The following HMMR variants were observed in gnomAD, a reference collection of about 807,000 sequenced individuals.
HMMR encodes the protein intracellular hyaluronic acid-binding protein.
HMMR carries 108 observed loss-of-function variants against 101.0 expected under a neutral mutation model. The observed-to-expected ratio is 1.07, with a 90% CI of 0.92 to 1.25. HMMR has a LOEUF of 1.25. HMMR is among the 50% of genes most tolerant of loss of function. The probability of loss-of-function intolerance (pLI) is 0.00; values close to 1 mark genes in which losing one functional copy is unlikely to be tolerated. For missense variants in HMMR, 813 were observed against 788.7 expected (o/e 1.03, Z -0.37); for synonymous variants, 296 against 276.4 (o/e 1.07, Z -0.70).
intron 1 of HMMR, 101 bp downstream of exon 1, chr5:163,460,839 C>G (rs1218724224): frequency 8.4e-6 from 8 of 950,842 alleles, no homozygotes; most frequent in Non-Finnish European, 1.3e-5. Context: ...ATTTTAGGGT[C>G]GGGCTGGGGC....
At chr5:163,475,764 C>T (rs913729162) in intron 11 of HMMR, 92 bp downstream of exon 11, 15 of 519,774 alleles carry the variant, frequency 2.9e-5, no homozygotes, top group Admixed American at 7.6e-5. Flanking sequence ...ATCATGTGAG[C>T]GTGTTAGGTT....
intron 2 of HMMR, 85 bp from the exon 3 acceptor site, chr5:163,464,638 G>A (rs7722365): frequency 0.06 from 55,432 of 917,152 alleles, 2,294 homozygotes; most frequent in African/African-American, 0.19. Flanking sequence ...AAAAGAGAAA[G>A]ACAAAAAAAT....
At chr5:163,472,753 CTT>C (rs1287415493) in intron 7 of HMMR, among the ~76,000 whole-genome samples, 1 of 152,140 alleles carries the variant, frequency 6.6e-6, no homozygotes, top group Admixed American at 6.6e-5. Context: ...CTATTGAAGT[CTT>C]TTGTCCATTT....
chr5:163,473,284 T>G, intron 8 of HMMR, 31 bp downstream of exon 8: 1 of 1,487,240 alleles, frequency 6.7e-7, no homozygotes, highest in Non-Finnish European at 9.3e-7. Flanking sequence ...AAATTGAACC[T>G]TATTTTTTTA....
At chr5:163,483,413 C>A in intron 15 of HMMR, 46 bp downstream of exon 15, 1 of 1,040,310 alleles carries the variant, frequency 9.6e-7, no homozygotes, top group South Asian at 1.4e-5. Context: ...TTTAGGGACT[C>A]ACTTTGTTCC....
At chr5:163,463,981 G>A (rs1270417628) in intron 2 of HMMR, 27 bp downstream of exon 2, 4 of 739,824 alleles carry the variant, frequency 5.4e-6, no homozygotes, top group Non-Finnish European at 8.5e-6. Context: ...AAGAACAATG[G>A]TTATGTGATC....
chr5:163,486,572 G>A (rs980961922), intron 16 of HMMR, among the ~76,000 whole-genome samples: 17 of 152,130 alleles, frequency 1.1e-4, no homozygotes, highest in Non-Finnish European at 2.4e-4. Context: ...AATAGAGATA[G>A]TGTTACTTAT....
rs1254976827 is a variant in HMMR, at chr5:163,491,764, C to G, written c.*600C>G. 1 of 152,180 alleles carries G rather than the reference C, an allele frequency of 6.6e-6. No homozygotes were observed. The highest frequency in any genetic ancestry group is 1.5e-5 in the Non-Finnish European group (1 of 68,028). 9.4% of individuals were successfully genotyped at this position (152,180 alleles called of 1,614,324 possible). On this transcript the variant is annotated 3_prime_UTR_variant, in exon 18 of 18. Coordinates refer to ENST00000393915, the MANE Select transcript of HMMR (RefSeq NM_001142556.2). ...ATAATCTGTGGATTGGCCTTTAAGC[C>G]TGCATTCTTAACAAACTCTTCAGTT...
At chr5:163,479,223 TCATCCTATCTTCC>T (rs1255044835) in intron 12 of HMMR, among the ~76,000 whole-genome samples, 1 of 152,232 alleles carries the variant, frequency 6.6e-6, no homozygotes, top group Non-Finnish European at 1.5e-5. Context: ...ACATTTATAC[TCATCCTATCTTCC>T]CACCTATTAC....
intron 3 of HMMR, among the ~76,000 whole-genome samples, chr5:163,466,934 T>C (rs770284353): frequency 6.6e-6 from 1 of 152,216 alleles, no homozygotes; most frequent in Non-Finnish European, 1.5e-5. Context: ...TTGAAGAAAC[T>C]GTTCTGTAAT....
chr5:163,483,690 A>G (rs1371764967), intron 15 of HMMR, among the ~76,000 whole-genome samples: 1 of 152,136 alleles, frequency 6.6e-6, no homozygotes, highest in East Asian at 1.9e-4. Flanking sequence ...TAATTAACCT[A>G]TTTTAATTTG....
At chr5:163,489,843 G>A (rs977443308) in intron 16 of HMMR, among the ~76,000 whole-genome samples, 5 of 152,158 alleles carry the variant, frequency 3.3e-5, no homozygotes, top group African/African-American at 1.2e-4. Context: ...TCGGAGTTGG[G>A]GGAAAAGAGG....
At chr5:163,479,568 C>T (rs1227872586) in intron 12 of HMMR, among the ~76,000 whole-genome samples, 5 of 152,108 alleles carry the variant, frequency 3.3e-5, no homozygotes, top group Admixed American at 3.3e-4. Flanking sequence ...AGGCTGAGGG[C>T]AGGAGGATCA....
At chr5:163,470,617 G>A (rs1287206780) in intron 5 of HMMR, among the ~76,000 whole-genome samples, 2 of 152,138 alleles carry the variant, frequency 1.3e-5, no homozygotes, top group Non-Finnish European at 2.9e-5. Context: ...CGGCACTCCA[G>A]CCTGGGTGAC....
At chr5:163,480,525 A>C (rs1201561939) in intron 12 of HMMR, among the ~76,000 whole-genome samples, 1 of 152,196 alleles carries the variant, frequency 6.6e-6, no homozygotes, top group Non-Finnish European at 1.5e-5. Context: ...TTTTGTGACT[A>C]TAAGAATACA....
chr5:163,484,854 T>G (rs2113512744), intron 16 of HMMR, among the ~76,000 whole-genome samples: 1 of 152,320 alleles, frequency 6.6e-6, no homozygotes, highest in Non-Finnish European at 1.5e-5. Flanking sequence ...GGCATATTCA[T>G]GGATTCAAAT....
At chr5:163,466,050 G>A (rs545983275) in intron 3 of HMMR, among the ~76,000 whole-genome samples, 1 of 151,292 alleles carries the variant, frequency 6.6e-6, no homozygotes, top group African/African-American at 2.4e-5. Context: ...GATTGCTTGA[G>A]GTCAAGAGTT....
At chr5:163,480,049 C>T (rs965462720) in intron 12 of HMMR, among the ~76,000 whole-genome samples, 3 of 152,088 alleles carry the variant, frequency 2.0e-5, no homozygotes, top group African/African-American at 7.2e-5. Flanking sequence ...ATAACATGTA[C>T]ATAAACTGTA....
intron 10 of HMMR, among the ~76,000 whole-genome samples, 161 bp downstream of exon 10, chr5:163,474,366 G>A (rs544846255): frequency 3.9e-5 from 6 of 152,034 alleles, no homozygotes; most frequent in East Asian, 1.9e-4. Flanking sequence ...ATTTAGCTAC[G>A]TATTTTCACT....
Sources: allele counts gnomAD v4.1 joint callset (sites outside exome capture counted in the v4.1 genomes callset), GRCh38; gene constraint gnomAD v4.1.1; transcripts MANE v1.5; gene names NCBI Gene and HGNC (gene_info 2026-07-23, HGNC 2026-07-21).